The following UBOX5 variants were observed in gnomAD, a reference collection of about 807,000 sequenced individuals.
UBOX5 encodes RING finger protein 37.
A neutral mutation model predicts 39.0 loss-of-function variants in UBOX5; 28 were observed. The ratio of observed to expected loss-of-function variants is 0.72; its 90% CI spans 0.53 to 0.98. The LOEUF is 0.98. UBOX5 is among the 50% of genes least tolerant of loss of function. UBOX5 has a pLI of 0.00. For synonymous variants in UBOX5, 283 were observed against 275.5 expected (o/e 1.03, Z -0.27); for missense variants, 585 against 674.4 (o/e 0.87, Z 1.47).
In UBOX5 at chr20:3,110,280, G is replaced by A. The variant is rs1466148428; in HGVS notation, c.1452C>T (p.Ala484=). The A allele has an allele frequency of 4.3e-6, 7 of 1,614,032 alleles. No individual in the cohort carries two copies. Among genetic ancestry groups the A allele is most frequent in the Non-Finnish European group, 5.9e-6 (7 of 1,180,048 alleles). Residue 484 remains alanine (A), a synonymous_variant, in exon 5 of 5, where the codon GCC becomes GCT. Coordinates refer to ENST00000217173, the MANE Select transcript of UBOX5 (RefSeq NM_014948.4). ...AGGGAGAAAATACTCTTTTGCAGGA[G>A]GCACATTCGGGGCCCAGGATGCTCC... The part of the protein sequence containing the change: ...QPGSILGPEC[A]SCKRVFSPYF...
rs78272132 is a variant in UBOX5, at chr20:3,127,607, C to T, written c.-41-4201G>A. 6.3e-3 allele frequency among the ~76,000 whole-genome samples: 964 copies of T among 152,236 alleles called. 10 individuals are homozygous for T. Among genetic ancestry groups the T allele is most frequent in the African/African-American group, 0.022 (916 of 41,552 alleles). On this transcript the variant is annotated intron_variant, in intron 1 of 4. Transcript: ENST00000217173. ...TCACCGAGAGCAAAGCTCTCCACCT[C>T]GGTCAGTCTGCATTTGTAGCAGTCT...
chr20:3,146,663 C>G (rs1361347258), intron 1 of UBOX5: 3 of 1,281,774 alleles, frequency 2.3e-6, no homozygotes, highest in Non-Finnish European at 3.3e-6. Flanking sequence ...AATTAAGTCT[C>G]CTCAACACAC....
intron 1 of UBOX5, among the ~76,000 whole-genome samples, chr20:3,141,381 C>A (rs908580464): frequency 3.2e-4 from 49 of 152,264 alleles, no homozygotes; most frequent in Middle Eastern, 3.4e-3. Context: ...GGTGTGGTGG[C>A]TCACACCTGT....
rs1245460399 is a variant in UBOX5 at position 3,110,248 on chromosome 20, T to A, written c.1484A>T (p.Lys495Ile). ...SCKRVFSPYFKKEPVYQLPCG... is the reference protein window; with the variant it reads ...SCKRVFSPYFIKEPVYQLPCG... ...GGGCAGCTGGTACACCGGCTCCTTT[T>A]TGAAGTAGGGAGAAAATACTCTTTT... is the stretch of plus-strand genomic sequence containing the variant. The change falls in exon 5 of 5, where the codon AAA becomes ATA. Residue 495 changes from lysine (K) to isoleucine (I), a missense_variant. Lys to Ile is a moderately radical substitution (Grantham distance 102). Coordinates refer to ENST00000217173, the MANE Select transcript of UBOX5 (RefSeq NM_014948.4). 6.2e-7 allele frequency: 1 copy of A among 1,614,118 alleles called. No individual in the cohort carries two copies. The highest frequency in any genetic ancestry group is 8.5e-7 in the Non-Finnish European group (1 of 1,180,024).
At chr20:3,146,944 A>G (rs1160140604) in intron 1 of UBOX5, 2 of 1,614,210 alleles carry the variant, frequency 1.2e-6, no homozygotes, top group Non-Finnish European at 1.7e-6. Flanking sequence ...CCCTGGAGCC[A>G]TAGCAATACT....
chr20:3,148,639 A>G, intron 1 of UBOX5: 1 of 1,614,152 alleles, frequency 6.2e-7, no homozygotes. Flanking sequence ...AAATTAGTTC[A>G]CCTTCTGAAA....
chr20:3,121,892 C>G lies in UBOX5; in HGVS notation c.747G>C (p.Leu249=), dbSNP rs375655638. The G allele has an allele frequency of 6.8e-6, 11 of 1,613,938 alleles. No individual in the cohort carries two copies. In the South Asian group the frequency reaches 1.2e-4, roughly 18 times the overall value. ...CCTGAATGATCTCGGCCAGCTTCTG[C>G]AGGCTGGAGGGAGCCTGCTGGCTCT... The part of the protein sequence containing the change: ...QPESQQAPSS[L]QKLAEIIQDV... The change falls in exon 3 of 5, where the codon CTG becomes CTC. Residue 249 remains leucine, a synonymous_variant. Coordinates refer to ENST00000217173, the MANE Select transcript of UBOX5 (RefSeq NM_014948.4).
At chr20:3,116,951 C>A (rs2066297757) in intron 3 of UBOX5, among the ~76,000 whole-genome samples, 1 of 151,978 alleles carries the variant, frequency 6.6e-6, no homozygotes, top group African/African-American at 2.4e-5. Context: ...CAAAAATTAG[C>A]CAGGCGTAGT....
intron 2 of UBOX5, among the ~76,000 whole-genome samples, 181 bp downstream of exon 2, chr20:3,123,131 C>T (rs769126846): frequency 1.3e-5 from 2 of 152,132 alleles, no homozygotes; most frequent in Non-Finnish European, 2.9e-5. Context: ...CTCACCATGG[C>T]GCTGTGTGAT....
rs184017665 is a variant in UBOX5 at position 3,136,551 on chromosome 20, C to T, written c.-41-13145G>A. Among the ~76,000 whole-genome samples the T allele has an allele frequency of 6.3e-3, 952 of 151,674 alleles. 6 individuals carry two copies. The highest frequency in any genetic ancestry group is 0.022 in the African/African-American group (908 of 41,300). On this transcript the variant is annotated intron_variant, in intron 1 of 4. Coordinates refer to ENST00000217173, the MANE Select transcript of UBOX5 (RefSeq NM_014948.4). ...TGCATTTTTAGTAGAAATGGGATTT[C>T]CCCACGTTGGCCAGAGTGGTCTCGA...
At chr20:3,147,590 A>G in intron 1 of UBOX5, 1 of 1,614,236 alleles carries the variant, frequency 6.2e-7, no homozygotes, top group African/African-American at 1.3e-5. Context: ...CCCTGGACTG[A>G]GAGCGAAATC....
In UBOX5 at chr20:3,108,274, A is replaced by G. The variant is rs1346874181; in HGVS notation, c.*1832T>C. The stretch of plus-strand genomic sequence containing the variant: ...AGGCACACACCACCATGCCCAGCTA[A>G]TTTTTGTATTTTTAGTAGAGATGGG... On this transcript the variant is annotated 3_prime_UTR_variant, in exon 5 of 5. Transcript: ENST00000217173. 1 of 152,214 alleles carries G rather than the reference A, an allele frequency of 6.6e-6. No individual in the cohort carries two copies. Among genetic ancestry groups the G allele is most frequent in the Non-Finnish European group, 1.5e-5 (1 of 68,092 alleles). 9.4% of individuals were successfully genotyped at this position (152,214 alleles called of 1,614,324 possible). A position where few individuals can be genotyped will look rare whatever the true frequency, so the allele number is the denominator to read the frequency against.
intron 1 of UBOX5, chr20:3,147,831 C>T: frequency 6.2e-7 from 1 of 1,614,228 alleles, no homozygotes; most frequent in Non-Finnish European, 8.5e-7. Flanking sequence ...GACGCAGCCA[C>T]TGCATTCATT....
chr20:3,134,040 A>C (rs2066450590), intron 1 of UBOX5, among the ~76,000 whole-genome samples: 2 of 152,080 alleles, frequency 1.3e-5, no homozygotes, highest in Non-Finnish European at 2.9e-5. Context: ...TACAGGTGTG[A>C]GCCACCTTGC....
At chr20:3,143,018 G>GA (rs1276912737) in intron 1 of UBOX5, among the ~76,000 whole-genome samples, 2 of 147,660 alleles carry the variant, frequency 1.4e-5, no homozygotes, top group African/African-American at 5.0e-5. Context: ...AGGAAATTCT[G>GA]AAAAATTCAC....
At chr20:3,126,564 G>T (rs984974093) in intron 1 of UBOX5, among the ~76,000 whole-genome samples, 4 of 147,802 alleles carry the variant, frequency 2.7e-5, no homozygotes, top group Non-Finnish European at 4.5e-5. Flanking sequence ...AGGACAGAAG[G>T]AAGTAAGTTG....
chr20:3,121,822 G>A lies in UBOX5; in HGVS notation c.817C>T (p.Pro273Ser). 6.2e-7 allele frequency: 1 copy of A among 1,614,128 alleles called. No homozygotes were observed. The highest frequency in any genetic ancestry group is 8.5e-7 in the Non-Finnish European group (1 of 1,180,042). The change falls in exon 3 of 5, where the codon CCT (proline) becomes TCT (serine). Residue 273 changes from proline (P) to serine (S), a missense_variant. Transcript: ENST00000217173. The part of the protein sequence containing the change: ...FLDPITLEIM[P>S]CPMLLPSGKV... The stretch of plus-strand genomic sequence containing the variant: ...CCTGAGGGCAGCAGCATGGGACAAG[G>A]CATGATCTCCAGGGTGATGGGATCC...
chr20:3,120,217 C>T (rs900093720), intron 3 of UBOX5, among the ~76,000 whole-genome samples: 3 of 150,946 alleles, frequency 2.0e-5, no homozygotes, highest in South Asian at 2.1e-4. Context: ...CGTGGTGGCG[C>T]GCGTCTGTAA....
At chr20:3,134,567 A>C (rs1199396333) in intron 1 of UBOX5, among the ~76,000 whole-genome samples, 1 of 150,432 alleles carries the variant, frequency 6.6e-6, no homozygotes, top group Non-Finnish European at 1.5e-5. Context: ...GAAAAAAAAA[A>C]AAAAAAAAAA....
Sources: gnomAD v4.1 joint callset for allele counts (sites outside exome capture counted in the v4.1 genomes callset) on GRCh38, gnomAD v4.1.1 for gene constraint, MANE v1.5 for transcripts, NCBI Gene and HGNC (gene_info 2026-07-23, HGNC 2026-07-21) for gene names.